Variants in MAGI1 observed in about 807,000 individuals in gnomAD.
The protein encoded by MAGI1 is membrane-associated guanylate kinase, WW and PDZ domain-containing protein 1.
MAGI1 carries 58 observed loss-of-function variants against 139.9 expected under a neutral mutation model. The observed-to-expected ratio is 0.41, with a 90% CI of 0.34 to 0.52. The LOEUF (loss-of-function observed/expected upper bound fraction) is 0.52. Among genes scored for constraint, MAGI1 ranks in the 20% least tolerant of loss-of-function variants. The pLI, the probability that MAGI1 is intolerant of heterozygous loss-of-function variation, is 0.12. For synonymous variants in MAGI1, 812 were observed against 737.9 expected (o/e 1.10, Z -1.63); for missense variants, 1,874 against 1,901.6 (o/e 0.99, Z 0.27).
intron 3 of MAGI1, among the ~76,000 whole-genome samples, chr3:65,479,406 G>C (rs891420719): frequency 1.3e-5 from 2 of 151,772 alleles, no homozygotes; most frequent in Non-Finnish European, 2.9e-5. Context: ...CCCAGTATGG[G>C]TCACTCTTCC....
chr3:65,507,266 T>A (rs1172349355), intron 2 of MAGI1, among the ~76,000 whole-genome samples: 1 of 152,212 alleles, frequency 6.6e-6, no homozygotes, highest in African/African-American at 2.4e-5. Flanking sequence ...TGAACATATC[T>A]TTCCATTTGT....
intron 1 of MAGI1, among the ~76,000 whole-genome samples, chr3:65,655,221 T>C (rs941724224): frequency 6.6e-6 from 1 of 152,080 alleles, no homozygotes; most frequent in African/African-American, 2.4e-5. Context: ...GACAGAGACG[T>C]AGAGCGGAGA....
At chr3:65,571,577 G>A (rs1053770045) in intron 2 of MAGI1, among the ~76,000 whole-genome samples, 2 of 151,768 alleles carry the variant, frequency 1.3e-5, no homozygotes, top group Non-Finnish European at 2.9e-5. Context: ...CAGAAAAAGC[G>A]ATAAGCAACC....
intron 2 of MAGI1, among the ~76,000 whole-genome samples, chr3:65,515,582 T>C (rs796578511): frequency 7.9e-5 from 12 of 152,274 alleles, no homozygotes; most frequent in African/African-American, 2.6e-4. Flanking sequence ...ATATAAAAAG[T>C]TAATGCTGTA....
At chr3:65,487,701 G>T (rs1172974049) in intron 3 of MAGI1, among the ~76,000 whole-genome samples, 4 of 152,184 alleles carry the variant, frequency 2.6e-5, no homozygotes, top group African/African-American at 9.7e-5. Context: ...GCCTGTCATA[G>T]AATGTATCCA....
At chr3:65,509,433 G>A (rs1220741485) in intron 2 of MAGI1, among the ~76,000 whole-genome samples, 1 of 152,162 alleles carries the variant, frequency 6.6e-6, no homozygotes, top group African/African-American at 2.4e-5. Flanking sequence ...AGTGGGCGCA[G>A]GTCAGTGGGT....
intron 1 of MAGI1, among the ~76,000 whole-genome samples, chr3:65,806,400 G>T (rs1017588512): frequency 1.2e-4 from 18 of 151,766 alleles, no homozygotes; most frequent in African/African-American, 4.1e-4. Flanking sequence ...CTTCACTCCA[G>T]ACTGGCAACA....
At chr3:65,908,957 T>A (rs915096306) in intron 1 of MAGI1, among the ~76,000 whole-genome samples, 1 of 152,190 alleles carries the variant, frequency 6.6e-6, no homozygotes, top group East Asian at 1.9e-4. Flanking sequence ...GTCATAAATT[T>A]ATGGTTCTAA....
chr3:65,882,792 A>G (rs1438028871), intron 1 of MAGI1, among the ~76,000 whole-genome samples: 4 of 151,836 alleles, frequency 2.6e-5, no homozygotes, highest in African/African-American at 9.7e-5. Flanking sequence ...AAAATTAGCC[A>G]GGCATGGTGG....
intron 2 of MAGI1, among the ~76,000 whole-genome samples, chr3:65,585,930 G>A (rs528359828): frequency 4.6e-5 from 7 of 152,090 alleles, no homozygotes; most frequent in South Asian, 2.1e-4. Flanking sequence ...AACACAGGCC[G>A]GGTGCAGTGG....
At chr3:65,866,194 G>A (rs893259234) in intron 1 of MAGI1, among the ~76,000 whole-genome samples, 1 of 149,416 alleles carries the variant, frequency 6.7e-6, no homozygotes, top group South Asian at 2.1e-4. Context: ...GGGAATTGTT[G>A]GTATTTGCTG....
At chr3:65,888,554 T>A (rs1196071009) in intron 1 of MAGI1, among the ~76,000 whole-genome samples, 1 of 152,192 alleles carries the variant, frequency 6.6e-6, no homozygotes, top group Non-Finnish European at 1.5e-5. Flanking sequence ...TGGGATAAAA[T>A]TTTTAATGAC....
chr3:65,415,693 CA>C (rs1559535769), intron 12 of MAGI1, among the ~76,000 whole-genome samples: 5 of 152,196 alleles, frequency 3.3e-5, no homozygotes, highest in African/African-American at 1.2e-4. Context: ...AAACAGAACA[CA>C]GAGTTTCTAA....
At chr3:65,552,256 AGG>A (rs1314105075) in intron 2 of MAGI1, among the ~76,000 whole-genome samples, 1 of 113,276 alleles carries the variant, frequency 8.8e-6, no homozygotes, top group Admixed American at 1.0e-4. Context: ...GAGTGTGTAT[AGG>A]GGTGTGTGTG....
intron 2 of MAGI1, among the ~76,000 whole-genome samples, chr3:65,601,176 T>C (rs2082465611): frequency 1.3e-5 from 2 of 152,208 alleles, no homozygotes; most frequent in Admixed American, 1.3e-4. Flanking sequence ...TCCACAAATA[T>C]TTATTGAGCA....
In MAGI1 at chr3:65,742,433, G is replaced by T. The variant is rs1381229538; in HGVS notation, c.314-120345C>A. ...AGAGCAAGTAAGGGCTTCAGAGCCA[G>T]ACACATCAGAATGTGACTTGGGGCT... On this transcript the variant is annotated intron_variant, in intron 1 of 22. Transcript: ENST00000402939. Among the ~76,000 whole-genome samples, 7 of 152,180 alleles carry T rather than the reference G, an allele frequency of 4.6e-5. No individual in the cohort carries two copies. In the East Asian group the frequency reaches 1.4e-3, roughly 29 times the overall value.
chr3:65,363,933 C>G (rs1941140751), intron 20 of MAGI1, among the ~76,000 whole-genome samples: 2 of 152,136 alleles, frequency 1.3e-5, no homozygotes, highest in South Asian at 4.1e-4. Flanking sequence ...GCCTCCCTGA[C>G]CTGTGTCCAA....
At position 65,470,598 on chromosome 3, in the gene MAGI1, A is replaced by C. The variant is rs1048411917; in HGVS notation, c.758-114T>G. 1.5e-4 allele frequency: 93 copies of C among 630,382 alleles called. 1 individual carries two copies. The South Asian group carries it at 1.7e-3, about 11-fold the overall frequency. The allele number at this position is 630,382 out of a possible 1,614,324, so 39.0% of individuals were successfully genotyped here. A position where few individuals can be genotyped will look rare whatever the true frequency, so the allele number is the denominator to read the frequency against. On this transcript the variant is annotated intron_variant, in intron 4 of 22. Transcript: ENST00000402939. Reference sequence around the variant, plus strand: ...GCAACTATACACATCTATATTCTTAAATGCTCTTATCCTTTCCTAATTCCT... The same window carrying C: ...GCAACTATACACATCTATATTCTTACATGCTCTTATCCTTTCCTAATTCCT...
Position 65,764,685 on chromosome 3 carries a change from C to T in MAGI1, c.314-142597G>A, listed in dbSNP as rs11914995. Reference sequence around the variant, plus strand: ...CTACCATCCACCATAAATCAGCTTCCTTTTTCTTTTTCTTTTTTTTTCTTT... The same window carrying T: ...CTACCATCCACCATAAATCAGCTTCTTTTTTCTTTTTCTTTTTTTTTCTTT... On this transcript the variant is annotated intron_variant, in intron 1 of 22. Transcript: ENST00000402939. 9.6e-3 allele frequency among the ~76,000 whole-genome samples: 1,455 copies of T among 152,210 alleles called. 27 individuals carry two copies. The highest frequency in any genetic ancestry group is 0.033 in the African/African-American group (1,365 of 41,526).
Sources: allele counts gnomAD v4.1 joint callset (sites outside exome capture counted in the v4.1 genomes callset), GRCh38; gene constraint gnomAD v4.1.1; transcripts MANE v1.5; gene names NCBI Gene and HGNC (gene_info 2026-07-23, HGNC 2026-07-21).